The following CSMD1 variants were observed in gnomAD, a reference collection of about 807,000 sequenced individuals.
The protein encoded by CSMD1 is CUB and Sushi multiple domains 1.
In CSMD1, 213 loss-of-function variants were observed where a neutral mutation model predicts 417.5. The observed-to-expected ratio is 0.51, with a 90% CI of 0.46 to 0.57. CSMD1 has a LOEUF of 0.57. Among genes scored for constraint, CSMD1 ranks in the 20% least tolerant of loss-of-function variants. CSMD1 has a pLI of 0.00. For missense variants in CSMD1, 6,923 were observed against 4,529.7 expected, an observed-to-expected ratio of 1.53 and a Z score of -15.17; for synonymous variants, 2,862 against 1,736.8, an observed-to-expected ratio of 1.65 and a Z score of -16.11.
At chr8:4,182,488 C>T (rs10096696) in intron 3 of CSMD1, among the ~76,000 whole-genome samples, 10,984 of 152,118 alleles carry the variant, frequency 0.072, 494 homozygotes, top group East Asian at 0.13. Flanking sequence ...AAATAAGATA[C>T]GTCACATTAT....
At chr8:4,973,602 TTCTCTAATTTCGTATC>T (rs1319378292) in intron 1 of CSMD1, among the ~76,000 whole-genome samples, 1 of 152,176 alleles carries the variant, frequency 6.6e-6, no homozygotes, top group Non-Finnish European at 1.5e-5. Flanking sequence ...ACTTAAAGTG[TTCTCTAATTTCGTATC>T]TCTACAAATC....
rs950565891 is a variant in CSMD1 at position 3,638,862 on chromosome 8, T to C, written c.1010-22065A>G. On this transcript the variant is annotated intron_variant, in intron 7 of 69. Transcript: ENST00000635120. ...AGGAAGATACCCTGGAATATAAAGA[T>C]AAAACTACAAGAAAAATGGGGTAGG... 2.0e-5 allele frequency among the ~76,000 whole-genome samples: 3 copies of C among 152,020 alleles called. No homozygotes were observed. The East Asian group carries it at 5.8e-4, about 29-fold the overall frequency.
intron 3 of CSMD1, among the ~76,000 whole-genome samples, chr8:4,125,043 C>T (rs1386818759): frequency 6.6e-6 from 1 of 152,102 alleles, no homozygotes; most frequent in South Asian, 2.1e-4. Context: ...GCACGTTTCT[C>T]TAATTCAGCT....
At chr8:3,976,721 A>G (rs968592365) in intron 5 of CSMD1, among the ~76,000 whole-genome samples, 2 of 152,190 alleles carry the variant, frequency 1.3e-5, no homozygotes, top group Non-Finnish European at 2.9e-5. Context: ...TCTCCACAAG[A>G]ACCCTATGAA....
At position 3,708,965 on chromosome 8, in the gene CSMD1, T is replaced by C. The variant is rs557304827; in HGVS notation, c.932-474A>G. Reference sequence around the variant, plus strand: ...TCACAGTTTAGCGAATCTGTGTGGGTGGGGAGCAAGTAGAGGAAAGGCATG... The same window carrying C: ...TCACAGTTTAGCGAATCTGTGTGGGCGGGGAGCAAGTAGAGGAAAGGCATG... On this transcript the variant is annotated intron_variant, in intron 6 of 69. Transcript: ENST00000635120. Among the ~76,000 whole-genome samples the C allele has an allele frequency of 7.2e-5, 11 of 152,204 alleles. No homozygotes were observed. The South Asian group carries it at 2.3e-3, about 32-fold the overall frequency.
intron 2 of CSMD1, among the ~76,000 whole-genome samples, chr8:4,435,530 C>T (rs1798101743): frequency 6.6e-6 from 1 of 152,162 alleles, no homozygotes; most frequent in Non-Finnish European, 1.5e-5. Context: ...TAACTGCCTG[C>T]CTCCTTCAAC....
rs190095343 is a variant in CSMD1 at position 4,635,428 on chromosome 8, T to C, written c.302+1914A>G. Among the ~76,000 whole-genome samples the C allele has an allele frequency of 2.3e-3, 345 of 152,230 alleles. 1 individual carries two copies. Among genetic ancestry groups the C allele is most frequent in the African/African-American group, 7.8e-3 (326 of 41,556 alleles). On this transcript the variant is annotated intron_variant, in intron 2 of 69. Transcript: ENST00000635120. ...AATAGTACCATAAGACCATAAGAGATAATACATTATTGAAAGACATACCTG... is the reference window on the plus strand; with the variant it reads ...AATAGTACCATAAGACCATAAGAGACAATACATTATTGAAAGACATACCTG...
At chr8:4,373,747 A>G (rs1242951898) in intron 3 of CSMD1, among the ~76,000 whole-genome samples, 1 of 152,224 alleles carries the variant, frequency 6.6e-6, no homozygotes, top group Non-Finnish European at 1.5e-5. Flanking sequence ...ACACTGTGCC[A>G]TCTTATTATC....
At position 3,572,828 on chromosome 8, in the gene CSMD1, AAACTC is replaced by A. The variant is rs373038821; in HGVS notation, c.1344+2112_1344+2116del. ...TCAACACCTAATATAGCCCCCAAAC[AAACTC>A]AATTGTTCAGCTATTTCCTCTGTAA... On this transcript the variant is annotated intron_variant, in intron 10 of 69. Transcript: ENST00000635120. 4.9e-3 allele frequency among the ~76,000 whole-genome samples: 744 copies of A among 152,272 alleles called. 8 individuals are homozygous for A. Among genetic ancestry groups the A allele is most frequent in the African/African-American group, 0.017 (709 of 41,548 alleles).
chr8:3,050,660 C>T (rs892975488), intron 50 of CSMD1, among the ~76,000 whole-genome samples: 19 of 151,998 alleles, frequency 1.3e-4, no homozygotes, highest in Admixed American at 6.6e-4. Flanking sequence ...AGAAAATAAC[C>T]AAGAAATACT....
chr8:4,068,631 A>T (rs1288295387), intron 3 of CSMD1, among the ~76,000 whole-genome samples: 2 of 152,228 alleles, frequency 1.3e-5, no homozygotes, highest in African/African-American at 4.8e-5. Flanking sequence ...ATGTTACCAT[A>T]TCAGTGGAAC....
At chr8:3,545,009 G>C (rs544991724) in intron 10 of CSMD1, among the ~76,000 whole-genome samples, 6 of 152,130 alleles carry the variant, frequency 3.9e-5, no homozygotes, top group Non-Finnish European at 7.4e-5. Flanking sequence ...ATTTCTCTCA[G>C]GGAAATTTAT....
intron 1 of CSMD1, among the ~76,000 whole-genome samples, chr8:4,991,694 G>A (rs1005027332): frequency 6.6e-6 from 1 of 152,102 alleles, no homozygotes; most frequent in Admixed American, 6.5e-5. Flanking sequence ...CGACGCCCCC[G>A]GGGGGAGGCC....
chr8:4,635,607 C>G (rs1355356081), intron 2 of CSMD1, among the ~76,000 whole-genome samples: 1 of 152,058 alleles, frequency 6.6e-6, no homozygotes, highest in Non-Finnish European at 1.5e-5. Flanking sequence ...TAGAGTCACA[C>G]ACATTGGCAT....
intron 2 of CSMD1, among the ~76,000 whole-genome samples, chr8:4,495,890 C>T (rs910123652): frequency 2.6e-5 from 4 of 151,874 alleles, no homozygotes; most frequent in African/African-American, 9.7e-5. Flanking sequence ...TTTTTTGCTC[C>T]ATCTTACCCT....
chr8:3,890,275 G>C (rs1350857792), intron 5 of CSMD1, among the ~76,000 whole-genome samples: 7 of 152,228 alleles, frequency 4.6e-5, no homozygotes, highest in African/African-American at 1.7e-4. Flanking sequence ...CAGATATTTT[G>C]CTGGGTTTTG....
At chr8:3,682,205 C>G (rs1208988511) in intron 7 of CSMD1, among the ~76,000 whole-genome samples, 1 of 152,256 alleles carries the variant, frequency 6.6e-6, no homozygotes, top group East Asian at 1.9e-4. Context: ...TCTAATTAAA[C>G]TAAAGAGCTT....
intron 1 of CSMD1, among the ~76,000 whole-genome samples, chr8:4,772,176 T>C (rs1796634316): frequency 6.6e-6 from 1 of 152,096 alleles, no homozygotes. Context: ...AGTCCTGTTT[T>C]CTTGCTGGCT....
intron 5 of CSMD1, among the ~76,000 whole-genome samples, chr8:3,944,968 T>C (rs1021737724): frequency 3.3e-5 from 5 of 152,308 alleles, no homozygotes; most frequent in East Asian, 1.9e-4. Flanking sequence ...GACAAAGATA[T>C]CTAATAATTA....
Sources: allele counts gnomAD v4.1 joint callset (sites outside exome capture counted in the v4.1 genomes callset), GRCh38; gene constraint gnomAD v4.1.1; transcripts MANE v1.5; gene names NCBI Gene and HGNC (gene_info 2026-07-23, HGNC 2026-07-21).